The following GSE1 variants were observed in gnomAD, a reference collection of about 807,000 sequenced individuals.
GSE1 encodes Gse1 coiled-coil protein.
GSE1 carries 32 observed loss-of-function variants against 112.6 expected under a neutral mutation model. The observed-to-expected ratio is 0.28, with a 90% CI of 0.21 to 0.38. GSE1 has a LOEUF of 0.38. Among genes scored for constraint, GSE1 ranks in the 10% least tolerant of loss-of-function variants. GSE1 has a pLI of 1.00. For missense variants in GSE1, 2,348 were observed against 1,699.2 expected (o/e 1.38, Z -6.71); for synonymous variants, 1,115 against 735.6 (o/e 1.52, Z -8.35).
intron 2 of GSE1, among the ~76,000 whole-genome samples, chr16:85,460,130 T>C (rs1206769763): frequency 6.6e-6 from 1 of 152,176 alleles, no homozygotes; most frequent in African/African-American, 2.4e-5. Context: ...CCCACATCCC[T>C]TGACCAGATA....
upstream of GSE1, among the ~76,000 whole-genome samples, chr16:85,608,676 C>G (rs181125011): frequency 1.3e-5 from 2 of 152,346 alleles, no homozygotes; most frequent in Non-Finnish European, 2.9e-5. Flanking sequence ...CTTCTCAGGT[C>G]TCCCCACTCG....
chr16:85,478,907 CTTTCTTTCTTTCTTT>C (rs2050570096), intron 2 of GSE1, among the ~76,000 whole-genome samples: 1 of 50,966 alleles, frequency 2.0e-5, no homozygotes, highest in Non-Finnish European at 3.9e-5. Flanking sequence ...TTCTTTCTTT[CTTTCTTTCTTTCTTT>C]CTTTCTCTTT....
intron 1 of GSE1, among the ~76,000 whole-genome samples, chr16:85,614,370 C>T (rs1315375310): frequency 6.6e-6 from 1 of 152,066 alleles, no homozygotes; most frequent in African/African-American, 2.4e-5. Flanking sequence ...TTCATGGAGG[C>T]GGAGCGGGAG....
intron 2 of GSE1, among the ~76,000 whole-genome samples, chr16:85,508,197 C>G (rs1004444348): frequency 5.9e-5 from 9 of 152,170 alleles, no homozygotes; most frequent in African/African-American, 2.2e-4. Flanking sequence ...CCACGCCCAG[C>G]TAATTTTTGT....
At chr16:85,631,448 C>CT (rs1286191180) in intron 1 of GSE1, among the ~76,000 whole-genome samples, 4 of 152,214 alleles carry the variant, frequency 2.6e-5, no homozygotes. Context: ...GGGCACGGGG[C>CT]TTGTGGGCAG....
intron 2 of GSE1, among the ~76,000 whole-genome samples, chr16:85,422,103 T>G (rs2048858558): frequency 6.6e-6 from 1 of 152,108 alleles, no homozygotes; most frequent in Non-Finnish European, 1.5e-5. Flanking sequence ...AGGCAGGCCA[T>G]CATCGAACCC....
intron 2 of GSE1, among the ~76,000 whole-genome samples, chr16:85,532,932 AT>A (rs1239058717): frequency 1.3e-5 from 2 of 152,034 alleles, no homozygotes; most frequent in African/African-American, 4.8e-5. Context: ...GGGACTTGAG[AT>A]TTTCCCCAGA....
At chr16:85,497,906 A>G (rs900632424) in intron 2 of GSE1, among the ~76,000 whole-genome samples, 2 of 152,166 alleles carry the variant, frequency 1.3e-5, no homozygotes, top group Admixed American at 6.5e-5. Flanking sequence ...CCCTTTTTAC[A>G]GATGGGAAAC....
At chr16:85,505,707 C>G (rs2051514300) in intron 2 of GSE1, among the ~76,000 whole-genome samples, 1 of 152,148 alleles carries the variant, frequency 6.6e-6, no homozygotes, top group Non-Finnish European at 1.5e-5. Context: ...TCTGGAAACT[C>G]TGCCTCCCTG....
chr16:85,367,306 G>A lies in GSE1; in HGVS notation c.2464+9663G>A, dbSNP rs939421270. 3.3e-5 allele frequency among the ~76,000 whole-genome samples: 5 copies of A among 152,084 alleles called. No individual in the cohort carries two copies. In the East Asian group the frequency reaches 5.8e-4, roughly 18 times the overall value. ...CCGAGCTCTGATTGTCTGCCGGCAC[G>A]TCTGTCTCTGCCGCTACAATGCCGT... On this transcript the variant is annotated intron_variant, in intron 2 of 2. Transcript: ENST00000637419.
At chr16:85,576,433 G>T (rs2046230510) in intron 1 of GSE1, among the ~76,000 whole-genome samples, 1 of 152,186 alleles carries the variant, frequency 6.6e-6, no homozygotes, top group Non-Finnish European at 1.5e-5. Context: ...GCCAAACGCT[G>T]CCCCTTCCAC....
At chr16:85,368,406 C>G (rs1264742182) in intron 2 of GSE1, among the ~76,000 whole-genome samples, 1 of 152,092 alleles carries the variant, frequency 6.6e-6, no homozygotes, top group Non-Finnish European at 1.5e-5. Context: ...AATGCCTTCT[C>G]TAAAAGATAC....
intron 2 of GSE1, among the ~76,000 whole-genome samples, chr16:85,382,156 G>A (rs906315121): frequency 6.6e-6 from 1 of 152,182 alleles, no homozygotes; most frequent in East Asian, 1.9e-4. Flanking sequence ...GTTATCTCCT[G>A]GCCACACATC....
chr16:85,275,824 G>C (rs896345813), intron 1 of GSE1, among the ~76,000 whole-genome samples: 1 of 152,246 alleles, frequency 6.6e-6, no homozygotes. Context: ...GAAGGGAAGG[G>C]CTTGGCTGGG....
At chr16:85,628,809 G>A (rs2049290491) in intron 1 of GSE1, among the ~76,000 whole-genome samples, 1 of 152,238 alleles carries the variant, frequency 6.6e-6, no homozygotes, top group East Asian at 1.9e-4. Flanking sequence ...GACACTGCCA[G>A]TAGCCTCAAG....
chr16:85,512,704 C>T (rs1399649779), intron 2 of GSE1, among the ~76,000 whole-genome samples: 3 of 152,166 alleles, frequency 2.0e-5, no homozygotes, highest in African/African-American at 4.8e-5. Flanking sequence ...GCATTAGAGT[C>T]CACTCCGATA....
At chr16:85,572,450 C>CAT (rs2046041998) in intron 1 of GSE1, among the ~76,000 whole-genome samples, 1 of 118,522 alleles carries the variant, frequency 8.4e-6, no homozygotes, top group Admixed American at 9.3e-5. Flanking sequence ...ACACACAGCA[C>CAT]ATACCACACA....
At chr16:85,463,776 C>G (rs1046044986) in intron 2 of GSE1, among the ~76,000 whole-genome samples, 1 of 152,250 alleles carries the variant, frequency 6.6e-6, no homozygotes, top group East Asian at 1.9e-4. Context: ...GGGTGGGGAG[C>G]GCCATGAGTC....
intron 2 of GSE1, among the ~76,000 whole-genome samples, chr16:85,413,818 C>T (rs2151721902): frequency 1.3e-5 from 2 of 152,274 alleles, no homozygotes; most frequent in East Asian, 3.9e-4. Context: ...TTGAGAGAGA[C>T]ACCTGGTGGG....
Sources: gnomAD v4.1 joint callset for allele counts (sites outside exome capture counted in the v4.1 genomes callset) on GRCh38, gnomAD v4.1.1 for gene constraint, MANE v1.5 for transcripts, NCBI Gene and HGNC (gene_info 2026-07-23, HGNC 2026-07-21) for gene names.